Variants in PCDHGB7 observed in about 807,000 individuals in gnomAD.
The protein encoded by PCDHGB7 is protocadherin gamma-B7.
A neutral mutation model predicts 61.4 loss-of-function variants in PCDHGB7; 37 were observed. That is an observed-to-expected ratio of 0.60 (90% CI 0.46 to 0.79). PCDHGB7 has a LOEUF of 0.79. Among genes scored for constraint, PCDHGB7 ranks in the 30% least tolerant of loss-of-function variants. The probability of loss-of-function intolerance (pLI) is 0.00; values close to 1 mark genes in which losing one functional copy is unlikely to be tolerated. For missense variants in PCDHGB7, 1,166 were observed against 1,202.5 expected, an observed-to-expected ratio of 0.97 and a Z score of 0.45; for synonymous variants, 464 against 503.5, an observed-to-expected ratio of 0.92 and a Z score of 1.05.
chr5:141,503,547 C>T (rs545918096), intron 2 of PCDHGB7, among the ~76,000 whole-genome samples: 22 of 147,734 alleles, frequency 1.5e-4, no homozygotes, highest in African/African-American at 4.8e-4. Flanking sequence ...TGCAGTGAGC[C>T]GAGATCGCGC....
At chr5:141,433,693 C>T (rs772152724) in intron 1 of PCDHGB7, among the ~76,000 whole-genome samples, 2 of 151,986 alleles carry the variant, frequency 1.3e-5, no homozygotes, top group Admixed American at 6.6e-5. Flanking sequence ...CAAAATTAGC[C>T]GGGCGTGGTG....
intron 1 of PCDHGB7, among the ~76,000 whole-genome samples, chr5:141,484,122 T>C (rs1343894991): frequency 6.6e-6 from 1 of 152,180 alleles, no homozygotes; most frequent in African/African-American, 2.4e-5. Context: ...CAAGAATACC[T>C]TGGTGTCAGA....
At chr5:141,436,668 C>CA (rs1159051861) in intron 1 of PCDHGB7, among the ~76,000 whole-genome samples, 1 of 151,748 alleles carries the variant, frequency 6.6e-6, no homozygotes, top group South Asian at 2.1e-4. Flanking sequence ...AGTGGTTGAC[C>CA]AAAAAAAGGA....
chr5:141,448,948 AAAAC>A (rs1237948751), intron 1 of PCDHGB7, among the ~76,000 whole-genome samples: 14 of 152,170 alleles, frequency 9.2e-5, no homozygotes, highest in African/African-American at 9.7e-5. Flanking sequence ...GCAACTCAAA[AAAAC>A]AAACAAACAA....
chr5:141,449,425 G>T (rs1206395356), intron 1 of PCDHGB7, among the ~76,000 whole-genome samples: 2 of 151,688 alleles, frequency 1.3e-5, no homozygotes, highest in Non-Finnish European at 2.9e-5. Context: ...TGGCCAACAT[G>T]ATAAAACTCC....
At chr5:141,459,694 T>A (rs767389870) in intron 1 of PCDHGB7, among the ~76,000 whole-genome samples, 1 of 152,252 alleles carries the variant, frequency 6.6e-6, no homozygotes, top group Non-Finnish European at 1.5e-5. Context: ...AGCGTTCCGC[T>A]TGCTACATTT....
chr5:141,477,737 G>T lies in PCDHGB7; in HGVS notation c.2416-17070G>T, dbSNP rs1178108717. 1.2e-6 allele frequency: 2 copies of T among 1,613,846 alleles called. No homozygotes were observed. Among genetic ancestry groups the T allele is most frequent in the South Asian group, 1.1e-5 (1 of 91,088 alleles). ...ATTTGAATTAACAGCTCATATCAGC[G>T]ATGGGGGCACCCCGGTCCTAGCCAC... On this transcript the variant is annotated intron_variant, in intron 1 of 3. Coordinates refer to ENST00000398594, the MANE Select transcript of PCDHGB7 (RefSeq NM_018927.4). This position sits in a 1 kb window ranked among gnomAD's most constrained non-coding sequence, Gnocchi z 4.9.
rs943867570 is a variant in PCDHGB7 at position 141,493,651 on chromosome 5, T to C, written c.2416-1156T>C. On this transcript the variant is annotated intron_variant, in intron 1 of 3. Coordinates refer to ENST00000398594, the MANE Select transcript of PCDHGB7 (RefSeq NM_018927.4). The surrounding 1 kb of genome is among the most constrained non-coding windows in gnomAD (Gnocchi z 4.3). ...AGTGGCTGAGGGCTGGCCATCCCTGTGCCCTTCTCCATGGCAGCCCCAGAA... is the reference window on the plus strand; with the variant it reads ...AGTGGCTGAGGGCTGGCCATCCCTGCGCCCTTCTCCATGGCAGCCCCAGAA... Among the ~76,000 whole-genome samples, 1 of 152,204 alleles carries C rather than the reference T, an allele frequency of 6.6e-6. No individual in the cohort carries two copies. The highest frequency in any genetic ancestry group is 1.5e-5 in the Non-Finnish European group (1 of 68,030).
rs148641580 is a variant in PCDHGB7 at position 141,437,874 on chromosome 5, A to C, written c.2415+17600A>C. 3.9e-4 allele frequency among the ~76,000 whole-genome samples: 59 copies of C among 151,954 alleles called. 1 individual carries two copies. In the East Asian group the frequency reaches 5.8e-3, roughly 15 times the overall value. Reference sequence around the variant, plus strand: ...TGCCTTAGCCTCCCGAGTAGCTGGGACTACAGGCACACGCCACCACACCCA... The same window carrying C: ...TGCCTTAGCCTCCCGAGTAGCTGGGCCTACAGGCACACGCCACCACACCCA... On this transcript the variant is annotated intron_variant, in intron 1 of 3. Transcript: ENST00000398594.
At chr5:141,478,535 C>G (rs1359742091) in intron 1 of PCDHGB7, 1 of 1,607,794 alleles carries the variant, frequency 6.2e-7, no homozygotes, top group Non-Finnish European at 8.5e-7. Flanking sequence ...AGAGAGCGCC[C>G]CTCCCGGACA....
chr5:141,454,128 C>T (rs988254902), intron 1 of PCDHGB7, among the ~76,000 whole-genome samples: 4 of 152,122 alleles, frequency 2.6e-5, no homozygotes, highest in African/African-American at 7.2e-5. Flanking sequence ...AATAGCTGAC[C>T]ATGGGAATGT....
chr5:141,438,619 TATATATATATATATATACAC>T (rs1310378007), intron 1 of PCDHGB7, among the ~76,000 whole-genome samples: 16 of 39,678 alleles, frequency 4.0e-4, no homozygotes, highest in African/African-American at 1.2e-3. Flanking sequence ...TATATATATA[TATATATATATATATATACAC>T]ACACACACAC....
At chr5:141,475,145 C>T (rs1214674720) in intron 1 of PCDHGB7, among the ~76,000 whole-genome samples, 2 of 151,980 alleles carry the variant, frequency 1.3e-5, no homozygotes, top group Non-Finnish European at 1.5e-5. Flanking sequence ...AAATCTTCTC[C>T]GTCTTCTTCT....
chr5:141,421,885 G>T, intron 1 of PCDHGB7: 1 of 1,613,692 alleles, frequency 6.2e-7, no homozygotes, highest in Non-Finnish European at 8.5e-7. Context: ...AGATGGAGGC[G>T]ATCCCATCCG....
At position 141,487,670 on chromosome 5, in the gene PCDHGB7, T is replaced by C. The variant is rs2099658277; in HGVS notation, c.2416-7137T>C. 2 of 1,612,302 alleles carry C rather than the reference T, an allele frequency of 1.2e-6. No homozygotes were observed. Among genetic ancestry groups the C allele is most frequent in the Non-Finnish European group, 1.7e-6 (2 of 1,179,082 alleles). On this transcript the variant is annotated intron_variant, in intron 1 of 3. Transcript: ENST00000398594. The surrounding 1 kb of genome is among the most constrained non-coding windows in gnomAD (Gnocchi z 5.0). The stretch of plus-strand genomic sequence containing the variant: ...TGAGGGTTATTCTGATCCAGGCATA[T>C]GGCTAGGCCATGTCCTAGAGAGTAC...
chr5:141,494,909 T>G (rs764123148), intron 2 of PCDHGB7, 44 bp downstream of exon 2: 1 of 1,614,042 alleles, frequency 6.2e-7, no homozygotes, highest in Admixed American at 1.7e-5. Flanking sequence ...CTGCGGCATT[T>G]TCTCAGGGAT....
chr5:141,508,740 C>G (rs2099871405), intron 3 of PCDHGB7, among the ~76,000 whole-genome samples: 1 of 152,006 alleles, frequency 6.6e-6, no homozygotes. Flanking sequence ...CACCCCCCAC[C>G]CCGCTCTTTC....
At chr5:141,456,342 G>A (rs1439003615) in intron 1 of PCDHGB7, among the ~76,000 whole-genome samples, 1 of 152,114 alleles carries the variant, frequency 6.6e-6, no homozygotes, top group African/African-American at 2.4e-5. Context: ...AAGGGTCCTC[G>A]GAAGAATGGC....
At chr5:141,475,218 A>G (rs2154572291) in intron 1 of PCDHGB7, among the ~76,000 whole-genome samples, 1 of 152,326 alleles carries the variant, frequency 6.6e-6, no homozygotes, top group African/African-American at 2.4e-5. Flanking sequence ...GGATTGATCA[A>G]GTAAAGGGAA....
Sources: allele counts gnomAD v4.1 joint callset (sites outside exome capture counted in the v4.1 genomes callset), GRCh38; gene constraint gnomAD v4.1.1; non-coding constraint Gnocchi (gnomAD v3.1); transcripts MANE v1.5; gene names NCBI Gene and HGNC (gene_info 2026-07-23, HGNC 2026-07-21).